Variants in MMP20 observed in about 807,000 individuals in gnomAD.
MMP20 encodes the protein matrix metallopeptidase 20.
A neutral mutation model predicts 51.8 loss-of-function variants in MMP20; 50 were observed. The observed-to-expected ratio is 0.97, with a 90% CI of 0.77 to 1.22. The LOEUF is 1.22. Among genes scored for constraint, MMP20 ranks in the 50% most tolerant of loss-of-function variants. The probability of loss-of-function intolerance (pLI) is 0.00; values close to 1 mark genes in which losing one functional copy is unlikely to be tolerated. For missense variants in MMP20, 663 were observed against 601.4 expected, an observed-to-expected ratio of 1.10 and a Z score of -1.07; for synonymous variants, 244 against 216.2, an observed-to-expected ratio of 1.13 and a Z score of -1.13.
intron 6 of MMP20, among the ~76,000 whole-genome samples, chr11:102,599,073 C>T (rs1053764955): frequency 8.1e-5 from 12 of 148,980 alleles, no homozygotes; most frequent in Non-Finnish European, 1.2e-4. Flanking sequence ...AGTGCAGCGG[C>T]GCAATCTCAG....
intron 2 of MMP20, among the ~76,000 whole-genome samples, chr11:102,616,443 C>A (rs1859671383): frequency 6.6e-6 from 1 of 152,116 alleles, no homozygotes; most frequent in Non-Finnish European, 1.5e-5. Context: ...TTTTTGGAAT[C>A]AATGAAATAA....
chr11:102,588,095 G>A (rs970672842), intron 8 of MMP20, among the ~76,000 whole-genome samples: 1 of 151,870 alleles, frequency 6.6e-6, no homozygotes, highest in African/African-American at 2.4e-5. Context: ...TTTTATAATT[G>A]TTTAACTGTA....
chr11:102,602,864 T>C (rs1230817413), intron 6 of MMP20, among the ~76,000 whole-genome samples: 1 of 152,222 alleles, frequency 6.6e-6, no homozygotes, highest in African/African-American at 2.4e-5. Flanking sequence ...GCAAATATAA[T>C]TTTGGTGTGG....
chr11:102,579,223 T>C, intron 8 of MMP20, 81 bp from the exon 9 acceptor site: 2 of 844,576 alleles, frequency 2.4e-6, no homozygotes, highest in Non-Finnish European at 3.9e-6. Flanking sequence ...GTCAGGCATA[T>C]GGACACATAA....
intron 6 of MMP20, among the ~76,000 whole-genome samples, chr11:102,598,247 T>G (rs1859405886): frequency 6.6e-6 from 1 of 152,210 alleles, no homozygotes; most frequent in Non-Finnish European, 1.5e-5. Context: ...AGTAACTTCC[T>G]TATACATCTG....
At chr11:102,586,644 T>G (rs1259517572) in intron 8 of MMP20, among the ~76,000 whole-genome samples, 1 of 151,854 alleles carries the variant, frequency 6.6e-6, no homozygotes, top group African/African-American at 2.4e-5. Context: ...AAACCCCATC[T>G]CTACTAAAAA....
chr11:102,618,379 A>T (rs1859701873), intron 1 of MMP20, among the ~76,000 whole-genome samples: 1 of 151,652 alleles, frequency 6.6e-6, no homozygotes, highest in African/African-American at 2.4e-5. Flanking sequence ...ATATTACCAC[A>T]TATAAACTAT....
chr11:102,606,549 C>T lies in MMP20; in HGVS notation c.939G>A (p.Leu313=). 6.2e-7 allele frequency: 1 copy of T among 1,613,902 alleles called. No individual in the cohort carries two copies. Among genetic ancestry groups the T allele is most frequent in the Non-Finnish European group, 8.5e-7 (1 of 1,179,846 alleles). Residue 313 remains leucine, a synonymous_variant, in exon 6 of 10, where the codon CTG becomes CTA. Coordinates refer to ENST00000260228, the MANE Select transcript of MMP20 (RefSeq NM_004771.4). ...DAVTMLGKEL[L]LFKDRIFWRR... ...CTGAGGCTTACCGGTCCTTGAAGAGCAGGAGCTCCTTCCCCAGCATTGTCA... is the reference window on the plus strand; with the variant it reads ...CTGAGGCTTACCGGTCCTTGAAGAGTAGGAGCTCCTTCCCCAGCATTGTCA...
At chr11:102,606,803 G>A (rs1462795732) in intron 5 of MMP20, 127 bp from the exon 6 acceptor site, 6 of 1,123,848 alleles carry the variant, frequency 5.3e-6, no homozygotes, top group East Asian at 4.8e-5. Context: ...TGGCTGTTGA[G>A]GGCAGGTATG....
At chr11:102,593,820 T>C (rs1042415865) in intron 7 of MMP20, among the ~76,000 whole-genome samples, 3 of 152,238 alleles carry the variant, frequency 2.0e-5, no homozygotes, top group African/African-American at 7.2e-5. Flanking sequence ...GCAATAACAT[T>C]GATAAAATTG....
chr11:102,593,413 G>A (rs1225456446), intron 8 of MMP20, 26 bp downstream of exon 8: 1 of 1,604,574 alleles, frequency 6.2e-7, no homozygotes. Context: ...AATAAAGATA[G>A]ATAGTAAAAA....
intron 8 of MMP20, among the ~76,000 whole-genome samples, chr11:102,581,989 G>C (rs1362847761): frequency 6.6e-6 from 1 of 152,134 alleles, no homozygotes; most frequent in African/African-American, 2.4e-5. Flanking sequence ...TAGAAATAGT[G>C]ATCTGAATTA....
chr11:102,578,385 C>A (rs1447061546), intron 9 of MMP20, among the ~76,000 whole-genome samples: 1 of 152,186 alleles, frequency 6.6e-6, no homozygotes. Flanking sequence ...GATCCTACCA[C>A]CTCATCCTCC....
chr11:102,586,023 G>T (rs201044364), intron 8 of MMP20, among the ~76,000 whole-genome samples: 21 of 152,036 alleles, frequency 1.4e-4, no homozygotes, highest in Non-Finnish European at 2.5e-4. Context: ...GAGGATCTTT[G>T]TAGCCATATT....
At chr11:102,603,371 A>G (rs1294372668) in intron 6 of MMP20, among the ~76,000 whole-genome samples, 8 of 152,192 alleles carry the variant, frequency 5.3e-5, no homozygotes, top group African/African-American at 1.9e-4. Context: ...TCAGAGCTAT[A>G]GAGTCATGGG....
At chr11:102,619,057 TTCTGAAACAA>T (rs1215346093) in intron 1 of MMP20, among the ~76,000 whole-genome samples, 1 of 152,146 alleles carries the variant, frequency 6.6e-6, no homozygotes, top group Non-Finnish European at 1.5e-5. Flanking sequence ...AGCCTAGGTG[TTCTGAAACAA>T]AGCTGCGACT....
intron 8 of MMP20, among the ~76,000 whole-genome samples, chr11:102,591,179 T>C (rs977880733): frequency 6.6e-6 from 1 of 152,190 alleles, no homozygotes; most frequent in Non-Finnish European, 1.5e-5. Flanking sequence ...GCCAGTACAA[T>C]AGGTTTCTCT....
chr11:102,624,564 T>C (rs1485223387), intron 1 of MMP20, among the ~76,000 whole-genome samples: 1 of 152,064 alleles, frequency 6.6e-6, no homozygotes, highest in African/African-American at 2.4e-5. Context: ...ATACACAAAG[T>C]TTAAGTACAT....
At chr11:102,597,783 T>G (rs1859399728) in intron 6 of MMP20, among the ~76,000 whole-genome samples, 1 of 152,190 alleles carries the variant, frequency 6.6e-6, no homozygotes, top group Non-Finnish European at 1.5e-5. Flanking sequence ...TTTCTTTTTT[T>G]TGAGATGGAG....
Sources: allele counts gnomAD v4.1 joint callset (sites outside exome capture counted in the v4.1 genomes callset), GRCh38; gene constraint gnomAD v4.1.1; transcripts MANE v1.5; gene names NCBI Gene and HGNC (gene_info 2026-07-23, HGNC 2026-07-21).